Variants in TTI1 observed in about 807,000 individuals in gnomAD.
TTI1 encodes the protein TELO2-interacting protein 1 homolog.
Under a neutral mutation model 85.4 loss-of-function variants are expected in TTI1, and 52 were observed. That is an observed-to-expected ratio of 0.61 (90% CI 0.49 to 0.77). The LOEUF (loss-of-function observed/expected upper bound fraction) is 0.77, where lower values mean the gene tolerates loss of function less well. TTI1 is among the 30% of genes least tolerant of loss of function. The pLI is 0.00. For missense variants in TTI1, 1,173 were observed against 1,296.0 expected, an observed-to-expected ratio of 0.91 and a Z score of 1.46; for synonymous variants, 512 against 503.9, an observed-to-expected ratio of 1.02 and a Z score of -0.22.
At chr20:38,016,712 T>C (rs747443310) in intron 1 of TTI1, among the ~76,000 whole-genome samples, 3 of 152,238 alleles carry the variant, frequency 2.0e-5, no homozygotes, top group Non-Finnish European at 4.4e-5. Context: ...GGGTCAACTC[T>C]CACAGTTTCC....
intron 7 of TTI1, among the ~76,000 whole-genome samples, chr20:37,993,713 C>T (rs1464286560): frequency 1.3e-5 from 2 of 152,262 alleles, no homozygotes; most frequent in African/African-American, 2.4e-5. Context: ...AGGAGAGCCA[C>T]TTCCAAAGCA....
chr20:37,997,664 A>T (rs926338989), intron 5 of TTI1, among the ~76,000 whole-genome samples: 4 of 152,214 alleles, frequency 2.6e-5, no homozygotes, highest in Admixed American at 6.5e-5. Flanking sequence ...TAAGCAAGGC[A>T]TAACCAGCAC....
intron 1 of TTI1, among the ~76,000 whole-genome samples, chr20:38,024,676 T>G (rs923132518): frequency 6.6e-6 from 1 of 152,086 alleles, no homozygotes; most frequent in Non-Finnish European, 1.5e-5. Flanking sequence ...TAAGGCGGCC[T>G]CCACCCACGG....
chr20:38,011,820 A>T lies in TTI1; in HGVS notation c.1997T>A (p.Leu666His), dbSNP rs755607593. Reference sequence around the variant, plus strand: ...GGTGCTGGTAGCCACCTGACTAATGAGTAGGGTTTGGTCTCCAGCCTTCTC... The same window carrying T: ...GGTGCTGGTAGCCACCTGACTAATGTGTAGGGTTTGGTCTCCAGCCTTCTC... Reference protein sequence around the residue: ...VLEKAGDQTLLISQVATSTMM... With the variant: ...VLEKAGDQTLHISQVATSTMM... Residue 666 changes from leucine to histidine, a missense_variant, in exon 2 of 8, where the codon CTC becomes CAC. Coordinates refer to ENST00000373447, the MANE Select transcript of TTI1 (RefSeq NM_001303457.2). 1.9e-6 allele frequency: 3 copies of T among 1,614,244 alleles called. No individual in the cohort carries two copies.
intron 4 of TTI1, chr20:38,000,506 C>T (rs1432127268): frequency 6.4e-6 from 1 of 155,142 alleles, no homozygotes; most frequent in Non-Finnish European, 1.5e-5. Flanking sequence ...TTCCCTCCCA[C>T]ATGGACGCCC....
At chr20:37,985,016 G>T (rs2073172019) in intron 7 of TTI1, among the ~76,000 whole-genome samples, 1 of 152,174 alleles carries the variant, frequency 6.6e-6, no homozygotes, top group South Asian at 2.1e-4. Context: ...TCTACGAAAG[G>T]ATCTGAAGGA....
rs747799395 is a variant in TTI1, at chr20:38,011,690, C to T, written c.2127G>A (p.Leu709=). The change falls in exon 2 of 8, where the codon CTG becomes CTA. Residue 709 remains leucine (L), a synonymous_variant. Transcript: ENST00000373447. ...CCTTTGGGGTATGAGGATGCAGAGC[C>T]AGATGACGCAGATTTAAAGAGATCC... ...VNGISLNLRH[L]ALHPHTPKVL... The T allele has an allele frequency of 3.7e-6, 6 of 1,614,180 alleles. No homozygotes were observed. The highest frequency in any genetic ancestry group is 5.1e-6 in the Non-Finnish European group (6 of 1,180,036).
intron 3 of TTI1, among the ~76,000 whole-genome samples, chr20:38,004,628 C>CT (rs2073471982): frequency 6.6e-6 from 1 of 152,178 alleles, no homozygotes. Context: ...TAGGCCTGTG[C>CT]TTTTTTCCCC....
intron 7 of TTI1, among the ~76,000 whole-genome samples, chr20:37,992,080 C>A (rs191829630): frequency 6.6e-6 from 1 of 152,316 alleles, no homozygotes; most frequent in East Asian, 1.9e-4. Context: ...TCCCCAGCGC[C>A]CCATCAGGGG....
chr20:38,025,968 C>T (rs1325081639), intron 1 of TTI1, among the ~76,000 whole-genome samples: 1 of 152,084 alleles, frequency 6.6e-6, no homozygotes, highest in East Asian at 1.9e-4. Flanking sequence ...AGAGGGCAGG[C>T]TGAAAAAGTA....
intron 1 of TTI1, 130 bp from the exon 2 acceptor site, chr20:38,013,987 C>G (rs2073644829): frequency 9.2e-6 from 8 of 869,958 alleles, no homozygotes; most frequent in Non-Finnish European, 1.2e-5. Context: ...ACTAGGGGTG[C>G]AATGAAACTG....
At chr20:37,992,704 A>G (rs1459219292) in intron 7 of TTI1, among the ~76,000 whole-genome samples, 1 of 152,194 alleles carries the variant, frequency 6.6e-6, no homozygotes, top group African/African-American at 2.4e-5. Flanking sequence ...GTCTGCTAAG[A>G]GATTGGCCCA....
chr20:38,019,808 G>A (rs1337897105), intron 1 of TTI1, among the ~76,000 whole-genome samples: 1 of 152,156 alleles, frequency 6.6e-6, no homozygotes, highest in Non-Finnish European at 1.5e-5. Flanking sequence ...GCATTGCAGG[G>A]CATTTAGCAG....
In TTI1 at chr20:38,026,005, C is replaced by G. The variant is rs1032221680; in HGVS notation, c.-42+7399G>C. Among the ~76,000 whole-genome samples, 6 of 152,302 alleles carry G rather than the reference C, an allele frequency of 3.9e-5. No homozygotes were observed. The East Asian group carries it at 1.2e-3, about 29-fold the overall frequency. ...TCAAAAGAAATAATGGCTGAAAACG[C>G]CACAAAGTTGGCAAAGACATAAATC... On this transcript the variant is annotated intron_variant, in intron 1 of 7. Coordinates refer to ENST00000373447, the MANE Select transcript of TTI1 (RefSeq NM_001303457.2).
Position 38,012,049 on chromosome 20 carries a change from G to C in TTI1, c.1768C>G (p.Pro590Ala). ...CCAGACGTGATGGCTTGGAGGCCTGGGTGCTCCATCATCAGCTCCTCTCCC... is the reference window on the plus strand; with the variant it reads ...CCAGACGTGATGGCTTGGAGGCCTGCGTGCTCCATCATCAGCTCCTCTCCC... ...EMGEELMMEH[P>A]GLQAITSGEH... is the part of the protein sequence containing the mutation. Residue 590 changes from proline to alanine, a missense_variant, in exon 2 of 8, where the codon CCA (proline) becomes GCA (alanine). Coordinates refer to ENST00000373447, the MANE Select transcript of TTI1 (RefSeq NM_001303457.2). The C allele has an allele frequency of 5.0e-6, 8 of 1,614,154 alleles. No homozygotes were observed. Among genetic ancestry groups the C allele is most frequent in the East Asian group, 2.2e-5 (1 of 44,878 alleles).
chr20:38,018,740 G>A (rs2073719493), intron 1 of TTI1, among the ~76,000 whole-genome samples: 1 of 149,276 alleles, frequency 6.7e-6, no homozygotes, highest in Admixed American at 6.7e-5. Context: ...AAATCCAGGA[G>A]TCAATAGAAT....
At chr20:37,986,088 G>A (rs1023566479) in intron 7 of TTI1, among the ~76,000 whole-genome samples, 1 of 152,200 alleles carries the variant, frequency 6.6e-6, no homozygotes, top group Non-Finnish European at 1.5e-5. Flanking sequence ...CTATTTACAC[G>A]TGACACAGTT....
intron 1 of TTI1, among the ~76,000 whole-genome samples, chr20:38,023,338 A>C (rs1443643173): frequency 6.6e-6 from 1 of 152,214 alleles, no homozygotes; most frequent in Non-Finnish European, 1.5e-5. Context: ...TTAACTACAG[A>C]TTCCTGGGCT....
At chr20:38,015,304 T>C (rs1192884366) in intron 1 of TTI1, among the ~76,000 whole-genome samples, 3 of 152,142 alleles carry the variant, frequency 2.0e-5, no homozygotes, top group African/African-American at 7.2e-5. Flanking sequence ...GAGGCTTCGT[T>C]GGGGTGTATC....
Sources: allele counts gnomAD v4.1 joint callset (sites outside exome capture counted in the v4.1 genomes callset), GRCh38; gene constraint gnomAD v4.1.1; transcripts MANE v1.5; gene names NCBI Gene and HGNC (gene_info 2026-07-23, HGNC 2026-07-21).